ULK4: variants seen among roughly 807,000 people sequenced by gnomAD.
The protein encoded by ULK4 is unc-51 like kinase 4, also known as inactive serine/threonine-protein kinase ULK4.
Under a neutral mutation model 160.6 loss-of-function variants are expected in ULK4, and 133 were observed. That is an observed-to-expected ratio of 0.83 (90% CI 0.72 to 0.96). The LOEUF is 0.96. ULK4 is among the 40% of genes least tolerant of loss of function. ULK4 has a pLI of 0.00. For missense variants in ULK4, 1,580 were observed against 1,499.5 expected (o/e 1.05, Z -0.89); for synonymous variants, 534 against 539.8 (o/e 0.99, Z 0.15).
At chr3:41,547,650 T>C (rs1316830669) in intron 32 of ULK4, among the ~76,000 whole-genome samples, 1 of 152,158 alleles carries the variant, frequency 6.6e-6, no homozygotes, top group Non-Finnish European at 1.5e-5. Flanking sequence ...AAGACCCAAG[T>C]AGCTGCAGAA....
At chr3:41,429,690 G>A (rs1470364773) in intron 34 of ULK4, among the ~76,000 whole-genome samples, 1 of 151,808 alleles carries the variant, frequency 6.6e-6, no homozygotes, top group Non-Finnish European at 1.5e-5. Context: ...TCTGAACAAT[G>A]AGAACACATG....
At chr3:41,379,056 G>A (rs2081586545) in intron 35 of ULK4, among the ~76,000 whole-genome samples, 1 of 151,968 alleles carries the variant, frequency 6.6e-6, no homozygotes, top group African/African-American at 2.4e-5. Context: ...GGCCTGTCGG[G>A]AGATGGGAAG....
At chr3:41,446,810 T>C (rs1487074610) in intron 34 of ULK4, among the ~76,000 whole-genome samples, 2 of 151,538 alleles carry the variant, frequency 1.3e-5, no homozygotes, top group Non-Finnish European at 2.9e-5. Context: ...CACACCAACA[T>C]GGCACATGTA....
chr3:41,867,092 G>C (rs1157587744), intron 17 of ULK4, among the ~76,000 whole-genome samples: 1 of 152,128 alleles, frequency 6.6e-6, no homozygotes, highest in Non-Finnish European at 1.5e-5. Flanking sequence ...TGGGAACACA[G>C]GACATCAATT....
chr3:41,604,116 C>T (rs891834384), intron 31 of ULK4, among the ~76,000 whole-genome samples: 1 of 151,916 alleles, frequency 6.6e-6, no homozygotes, highest in African/African-American at 2.4e-5. Context: ...GAAAAACATG[C>T]TGAGGAGAGG....
At chr3:41,942,580 G>A (rs867534586) in intron 2 of ULK4, among the ~76,000 whole-genome samples, 17 of 152,252 alleles carry the variant, frequency 1.1e-4, no homozygotes, top group South Asian at 4.1e-4. Context: ...CACTTTGGGA[G>A]GCCAAGGCAG....
At chr3:41,398,600 C>G in intron 34 of ULK4, among the ~76,000 whole-genome samples, 1 of 150,124 alleles carries the variant, frequency 6.7e-6, no homozygotes, top group East Asian at 2.0e-4. Flanking sequence ...CTATGTTGCC[C>G]AGGCTAGTTT....
At chr3:41,348,297 C>T (rs1158330763) in intron 35 of ULK4, among the ~76,000 whole-genome samples, 1 of 149,860 alleles carries the variant, frequency 6.7e-6, no homozygotes, top group Non-Finnish European at 1.5e-5. Flanking sequence ...AGTTTTGACA[C>T]AGGCGTAGCA....
chr3:41,736,106 G>A (rs1408897746), intron 22 of ULK4, among the ~76,000 whole-genome samples: 4 of 151,314 alleles, frequency 2.6e-5, no homozygotes, highest in African/African-American at 7.3e-5. Flanking sequence ...GGACATTTGG[G>A]TTGGTTTCAA....
chr3:41,593,510 C>T (rs748512005), intron 31 of ULK4, among the ~76,000 whole-genome samples: 2 of 152,086 alleles, frequency 1.3e-5, no homozygotes, highest in Non-Finnish European at 2.9e-5. Flanking sequence ...CTGAAATTCA[C>T]GGATGCTGGA....
rs752843326 is a variant in ULK4 at position 41,678,177 on chromosome 3, TACACACACACACACACACACAC to T, written c.2978+3309_2978+3330del. 8.8e-4 allele frequency among the ~76,000 whole-genome samples: 108 copies of T among 123,134 alleles called. 1 individual carries two copies. The South Asian group carries it at 0.019, about 21-fold the overall frequency. 80.8% of individuals were successfully genotyped at this position (123,134 alleles called of 152,430 possible). A position where few individuals can be genotyped will look rare whatever the true frequency, so the allele number is the denominator to read the frequency against. ...TTTCTTAAAATAAATCTTTATTTCA[TACACACACACACACACACACAC>T]ACACACACACACACACACACACACA... On this transcript the variant is annotated intron_variant, in intron 29 of 36. Coordinates refer to ENST00000301831, the MANE Select transcript of ULK4 (RefSeq NM_017886.4).
At chr3:41,904,989 A>G (rs59476821) in intron 12 of ULK4, among the ~76,000 whole-genome samples, 19,040 of 152,214 alleles carry the variant, frequency 0.13, 1,369 homozygotes, top group Middle Eastern at 0.27. Context: ...AGAAACTGAC[A>G]AGCTGATCTT....
chr3:41,417,367 C>A (rs1473834867), intron 34 of ULK4, among the ~76,000 whole-genome samples: 2 of 152,092 alleles, frequency 1.3e-5, no homozygotes, highest in Non-Finnish European at 1.5e-5. Flanking sequence ...TCAGGCAAGA[C>A]AAGGTGACAA....
At chr3:41,467,740 A>C (rs964158098) in intron 32 of ULK4, among the ~76,000 whole-genome samples, 5 of 152,234 alleles carry the variant, frequency 3.3e-5, no homozygotes, top group African/African-American at 1.2e-4. Flanking sequence ...GTATGAACAC[A>C]TTTATTTAAG....
intron 32 of ULK4, among the ~76,000 whole-genome samples, chr3:41,466,267 C>T (rs73828053): frequency 9.9e-5 from 15 of 152,226 alleles, no homozygotes; most frequent in Non-Finnish European, 1.6e-4. Context: ...TCTGAGCATT[C>T]GGGGTGTTCA....
At chr3:41,907,345 G>A (rs1196015900) in intron 12 of ULK4, among the ~76,000 whole-genome samples, 8 of 151,722 alleles carry the variant, frequency 5.3e-5, no homozygotes, top group African/African-American at 1.9e-4. Flanking sequence ...CACCCAGGCT[G>A]GAGTGCGGTG....
rs140807353 is a variant in ULK4 at position 41,594,265 on chromosome 3, G to A, written c.3120+21404C>T. Among the ~76,000 whole-genome samples, 446 of 152,184 alleles carry A rather than the reference G, an allele frequency of 2.9e-3. 4 individuals carry two copies. Among genetic ancestry groups the A allele is most frequent in the Middle Eastern group, 0.014 (4 of 294 alleles). ...AGGAAGGGCACTATGGGCTGGGCAC[G>A]GCAGCTCATGTCTATAATCTCAGCA... On this transcript the variant is annotated intron_variant, in intron 31 of 36. Transcript: ENST00000301831.
intron 35 of ULK4, among the ~76,000 whole-genome samples, chr3:41,270,116 A>G (rs1051277550): frequency 6.6e-6 from 1 of 152,204 alleles, no homozygotes; most frequent in Admixed American, 6.5e-5. Context: ...GGAGGTCATG[A>G]TATTACTCAG....
intron 32 of ULK4, among the ~76,000 whole-genome samples, chr3:41,539,569 G>C (rs560675405): frequency 6.6e-6 from 1 of 152,166 alleles, no homozygotes; most frequent in African/African-American, 2.4e-5. Flanking sequence ...TATACAGTTG[G>C]GGAACAGGGA....
Sources: allele counts gnomAD v4.1 joint callset (sites outside exome capture counted in the v4.1 genomes callset), GRCh38; gene constraint gnomAD v4.1.1; transcripts MANE v1.5; gene names NCBI Gene and HGNC (gene_info 2026-07-23, HGNC 2026-07-21).